Variants in LGSN observed in about 807,000 individuals in gnomAD.
The protein encoded by LGSN is lengsin.
In LGSN, 21 loss-of-function variants were observed where a neutral mutation model predicts 19.5. The observed-to-expected ratio is 1.07, with a 90% CI of 0.76 to 1.55. The LOEUF (loss-of-function observed/expected upper bound fraction) is 1.55, where lower values mean the gene tolerates loss of function less well. Among genes scored for constraint, LGSN ranks in the 40% most tolerant of loss-of-function variants. The pLI is 0.00. For missense variants in LGSN, 673 were observed against 608.5 expected (o/e 1.11, Z -1.12); for synonymous variants, 257 against 215.6 (o/e 1.19, Z -1.68).
At chr6:63,359,210 T>C in the LGSN span, among the ~76,000 whole-genome samples, 6 of 152,212 alleles carry the variant, frequency 3.9e-5, no homozygotes, top group Non-Finnish European at 7.3e-5. Context: ...ATAAGCTTTT[T>C]GATGTGCTGC....
chr6:63,552,309 T>C, the LGSN span, among the ~76,000 whole-genome samples: 3 of 152,210 alleles, frequency 2.0e-5, no homozygotes, highest in Non-Finnish European at 4.4e-5. Context: ...TTTCATGTGT[T>C]TTTTTGGCTG....
intron 3 of LGSN, among the ~76,000 whole-genome samples, chr6:63,283,436 G>T (rs1335118374): frequency 6.6e-6 from 1 of 152,078 alleles, no homozygotes; most frequent in Non-Finnish European, 1.5e-5. Context: ...TATGAGTCCT[G>T]TAGCAATATA....
upstream of LGSN, among the ~76,000 whole-genome samples, chr6:63,320,908 A>G (rs566581153): frequency 1.3e-5 from 2 of 152,182 alleles, no homozygotes; most frequent in Non-Finnish European, 2.9e-5. Flanking sequence ...CCCATTTCCT[A>G]AAGACAGTGA....
the LGSN span, among the ~76,000 whole-genome samples, chr6:63,376,817 TACTAGA>T: frequency 3.3e-5 from 5 of 152,234 alleles, no homozygotes; most frequent in South Asian, 1.0e-3. Context: ...GAATAACTTT[TACTAGA>T]ACATACAAAG....
At chr6:63,350,081 A>G in the LGSN span, among the ~76,000 whole-genome samples, 1 of 152,268 alleles carries the variant, frequency 6.6e-6, no homozygotes, top group Non-Finnish European at 1.5e-5. Flanking sequence ...AGTACCTATC[A>G]TGTAAATTAT....
At chr6:63,408,048 G>T in the LGSN span, among the ~76,000 whole-genome samples, 1 of 152,238 alleles carries the variant, frequency 6.6e-6, no homozygotes, top group Admixed American at 6.5e-5. Flanking sequence ...GGAAATGGAA[G>T]AACATTCCAT....
the LGSN span, among the ~76,000 whole-genome samples, chr6:63,472,248 G>T: frequency 6.7e-4 from 102 of 152,352 alleles, 1 homozygote; most frequent in Middle Eastern, 3.4e-3. Context: ...ATCGGGACTG[G>T]TCCTGTCTTG....
rs150454580 is a variant in LGSN, at chr6:63,296,955, C to T, written c.31-1910G>A. ...AAAGAAAGGTCATTTTAAAAACATT[C>T]ACCTGCCCTCATATAAACCCGATCA... On this transcript the variant is annotated intron_variant, in intron 1 of 3. Coordinates refer to ENST00000370657, the MANE Select transcript of LGSN (RefSeq NM_016571.3). Among the ~76,000 whole-genome samples, 46 of 151,944 alleles carry T rather than the reference C, an allele frequency of 3.0e-4. No homozygotes were observed. The East Asian group carries it at 8.9e-3, about 29-fold the overall frequency.
chr6:63,383,634 A>G, the LGSN span, among the ~76,000 whole-genome samples: 1 of 152,186 alleles, frequency 6.6e-6, no homozygotes, highest in Non-Finnish European at 1.5e-5. Flanking sequence ...TAATTTTCTC[A>G]GATTGTGCTG....
chr6:63,328,849 G>GTATATATATATATGCA, the LGSN span, among the ~76,000 whole-genome samples: 1 of 152,182 alleles, frequency 6.6e-6, no homozygotes, highest in East Asian at 1.9e-4. Context: ...AGAGGAGCCT[G>GTATATATATATATGCA]GCTATCTCGC....
chr6:63,553,603 T>A, the LGSN span, among the ~76,000 whole-genome samples: 7 of 152,364 alleles, frequency 4.6e-5, no homozygotes, highest in South Asian at 1.4e-3. Flanking sequence ...TAGATCTTGA[T>A]GTTCTAACTA....
the LGSN span, among the ~76,000 whole-genome samples, chr6:63,404,896 C>T: frequency 6.6e-6 from 1 of 151,982 alleles, no homozygotes; most frequent in Non-Finnish European, 1.5e-5. Flanking sequence ...TGCTGGTGCA[C>T]TGCACCCACT....
At chr6:63,281,427 C>T (rs1208923823) in intron 3 of LGSN, among the ~76,000 whole-genome samples, 1 of 148,800 alleles carries the variant, frequency 6.7e-6, no homozygotes, top group Non-Finnish European at 1.5e-5. Flanking sequence ...CCAAAGGCAA[C>T]TTTATAAACA....
At chr6:63,442,154 A>G in the LGSN span, among the ~76,000 whole-genome samples, 1 of 151,540 alleles carries the variant, frequency 6.6e-6, no homozygotes, top group Non-Finnish European at 1.5e-5. Context: ...GGTCCCTCCC[A>G]ATGCGTTTGT....
At chr6:63,549,038 A>C in the LGSN span, 2 of 726,448 alleles carry the variant, frequency 2.8e-6, no homozygotes, top group Admixed American at 3.8e-5. Context: ...CGTCGTGTGC[A>C]ATCACCACCG....
chr6:63,476,327 G>A, the LGSN span, among the ~76,000 whole-genome samples: 1 of 152,242 alleles, frequency 6.6e-6, no homozygotes, highest in East Asian at 1.9e-4. Context: ...GAAAAAACCA[G>A]GACTGTTCGA....
At position 63,280,933 on chromosome 6, in the gene LGSN, G is replaced by A. The variant is rs756674013; in HGVS notation, c.618C>T (p.Phe206=). 2 of 1,614,070 alleles carry A rather than the reference G, an allele frequency of 1.2e-6. No homozygotes were observed. The highest frequency in any genetic ancestry group is 1.7e-6 in the Non-Finnish European group (2 of 1,180,016). The part of the protein sequence containing the change: ...QASGFSLLSA[F]IYDFCIFGVP... ...CACCAAAAATGCAAAAATCATAGAT[G>A]AAAGCAGAAAGCAGGGAAAAGCCAG... is the stretch of plus-strand genomic sequence containing the variant. Residue 206 remains phenylalanine (F), a synonymous_variant, in exon 4 of 4, where the codon TTC becomes TTT. Transcript: ENST00000370657.
At chr6:63,336,557 G>GTATA in the LGSN span, among the ~76,000 whole-genome samples, 364 of 136,072 alleles carry the variant, frequency 2.7e-3, 1 homozygote, top group South Asian at 0.012. Context: ...GTGTGTGTGT[G>GTATA]TGTGTATATA....
intron 1 of LGSN, among the ~76,000 whole-genome samples, chr6:63,313,621 G>T (rs1434197619): frequency 6.6e-6 from 1 of 152,026 alleles, no homozygotes; most frequent in East Asian, 1.9e-4. Context: ...AATGACTTGA[G>T]GCCAGGAGTT....
Sources: gnomAD v4.1 joint callset for allele counts (sites outside exome capture counted in the v4.1 genomes callset) on GRCh38, gnomAD v4.1.1 for gene constraint, MANE v1.5 for transcripts, NCBI Gene and HGNC (gene_info 2026-07-23, HGNC 2026-07-21) for gene names.